Variants in GDF1 observed in about 807,000 individuals in gnomAD.
The protein encoded by GDF1 is growth differentiation factor 1, also known as embryonic growth/differentiation factor 1.
A neutral mutation model predicts 7.4 loss-of-function variants in GDF1; 8 were observed. That is an observed-to-expected ratio of 1.09 (90% CI 0.64 to 1.96). GDF1 has a LOEUF of 1.96. Ranked by LOEUF, GDF1 falls within the 30% of genes most tolerant of loss-of-function variation. The probability of loss-of-function intolerance (pLI) is 0.00; values close to 1 mark genes in which losing one functional copy is unlikely to be tolerated. For synonymous variants in GDF1, 311 were observed against 276.7 expected, an observed-to-expected ratio of 1.12 and a Z score of -1.23; for missense variants, 574 against 551.5, an observed-to-expected ratio of 1.04 and a Z score of -0.41.
In GDF1 at chr19:18,895,951, C is replaced by A. The variant is rs1568309567; in HGVS notation, c.-1201G>T. On this transcript the variant is annotated 5_prime_UTR_variant, in exon 1 of 8. Coordinates refer to ENST00000247005, the MANE Select transcript of GDF1 (RefSeq NM_001492.6). The surrounding 1 kb of genome is among the most constrained non-coding windows in gnomAD (Gnocchi z 6.4). ...CAGGCCGCGACGCGCCAGCCCCCAG[C>A]CGCAGTCCGTGCAGCCCCGCGCCGC... 1 of 1,158,106 alleles carries A rather than the reference C, an allele frequency of 8.6e-7. No homozygotes were observed. The highest frequency in any genetic ancestry group is 1.1e-6 in the Non-Finnish European group (1 of 938,128). 71.7% of individuals were successfully genotyped at this position (1,158,106 alleles called of 1,614,324 possible). A position where few individuals can be genotyped will look rare whatever the true frequency, so the allele number is the denominator to read the frequency against.
chr19:18,873,345 G>A (rs1236879942), intron 6 of GDF1, among the ~76,000 whole-genome samples: 1 of 152,006 alleles, frequency 6.6e-6, no homozygotes, highest in African/African-American at 2.4e-5. Flanking sequence ...AAGGGCCCCA[G>A]AAGAGAAGGA....
At position 18,884,230 on chromosome 19, in the gene GDF1, T is replaced by C; in HGVS notation, c.-876A>G. ...AGCTTCCCTGGAGCAGGTAGGCGGC[T>C]GCAATGTCCCGTGGCACTGCCATGC... On this transcript the variant is annotated 5_prime_UTR_variant, in exon 3 of 8. Transcript: ENST00000247005. The C allele has an allele frequency of 1.2e-6, 2 of 1,613,362 alleles. No individual in the cohort carries two copies. Among genetic ancestry groups the C allele is most frequent in the Non-Finnish European group, 1.7e-6 (2 of 1,179,768 alleles).
At chr19:18,885,417 G>C (rs1021187179) in intron 2 of GDF1, among the ~76,000 whole-genome samples, 1 of 151,512 alleles carries the variant, frequency 6.6e-6, no homozygotes, top group South Asian at 2.1e-4. Context: ...GGGTGATCTC[G>C]AACTCCTGGG....
At chr19:18,884,477 G>A (rs554489357) in intron 2 of GDF1, among the ~76,000 whole-genome samples, 1 of 151,684 alleles carries the variant, frequency 6.6e-6, no homozygotes, top group African/African-American at 2.4e-5. Context: ...GGAGTGCAGT[G>A]GCATGATCTC....
chr19:18,884,354 C>A (rs897489984), intron 2 of GDF1, 87 bp from the exon 3 acceptor site: 7 of 1,268,890 alleles, frequency 5.5e-6, no homozygotes, highest in South Asian at 2.8e-5. Context: ...CCAAGCCACA[C>A]GTGTCCTCCC....
intron 6 of GDF1, among the ~76,000 whole-genome samples, chr19:18,877,213 C>T (rs147964829): frequency 7.9e-4 from 121 of 152,334 alleles, no homozygotes; most frequent in African/African-American, 2.7e-3. Context: ...AGAGGACATG[C>T]CAGCTCTTAC....
At chr19:18,893,257 C>G (rs2056539950) in intron 2 of GDF1, among the ~76,000 whole-genome samples, 159 bp downstream of exon 2, 1 of 152,200 alleles carries the variant, frequency 6.6e-6, no homozygotes, top group Non-Finnish European at 1.5e-5. Flanking sequence ...CTCTGTCGTC[C>G]AGGCTGGAGT....
rs768644742 is a variant in GDF1 at position 18,893,552 on chromosome 19, G to C, written c.-1050C>G. The C allele has an allele frequency of 6.8e-6, 11 of 1,610,296 alleles. No homozygotes were observed. Among genetic ancestry groups the C allele is most frequent in the Non-Finnish European group, 9.3e-6 (11 of 1,178,812 alleles). ...GCATCTTGGCGGCATCTCTGGGCTGGAGGCAGCACCGCTTCGCCAGGGGCT... is the reference window on the plus strand; with the variant it reads ...GCATCTTGGCGGCATCTCTGGGCTGCAGGCAGCACCGCTTCGCCAGGGGCT... On this transcript the variant is annotated 5_prime_UTR_variant, in exon 2 of 8. Transcript: ENST00000247005.
chr19:18,870,239 C>A lies in GDF1; in HGVS notation c.69G>T (p.Ser23=). 3 of 1,548,640 alleles carry A rather than the reference C, an allele frequency of 1.9e-6. No homozygotes were observed. The highest frequency in any genetic ancestry group is 2.0e-5 in the Admixed American group (1 of 50,950). ...LLLLLALLLP[S]LPLTRAPVPP... ...GCACGGGGGCGCGGGTCAGGGGCAG[C>A]GAGGGCAGCAGCAGGGCCAGGAGGA... The change falls in exon 7 of 8, where the codon TCG becomes TCT. Residue 23 remains serine, a synonymous_variant. Coordinates refer to ENST00000247005, the MANE Select transcript of GDF1 (RefSeq NM_001492.6). This position sits in a 1 kb window ranked among gnomAD's most constrained non-coding sequence, Gnocchi z 5.1.
In GDF1 at chr19:18,869,142, G is replaced by A. The variant is rs2055912032; in HGVS notation, c.574C>T (p.Pro192Ser). The A allele has an allele frequency of 1.8e-6, 2 of 1,112,330 alleles. No individual in the cohort carries two copies. The highest frequency in any genetic ancestry group is 1.1e-6 in the Non-Finnish European group (1 of 910,864). 68.9% of individuals were successfully genotyped at this position (1,112,330 alleles called of 1,614,324 possible). ...CCCAGCAGCTCCGCGCGCACTGGCGGCCCCAGGGCGGGCACCAACTGGCGG... is the reference window on the plus strand; with the variant it reads ...CCCAGCAGCTCCGCGCGCACTGGCGACCCCAGGGCGGGCACCAACTGGCGG... Reference protein sequence around the residue: ...LLRQLVPALGPPVRAELLGAA... With the variant: ...LLRQLVPALGSPVRAELLGAA... The change falls in exon 8 of 8, where the codon CCG (proline) becomes TCG (serine). Residue 192 changes from proline (P) to serine (S), a missense_variant. Transcript: ENST00000247005.
Position 18,895,272 on chromosome 19 carries a change from C to A in GDF1, c.-1074+552G>T, listed in dbSNP as rs1221151303. ...CCGATTACAGCGGGCAAGCCGGCCC[C>A]GCCGCCGCACGGACCCAGCAGAAAA... On this transcript the variant is annotated intron_variant, in intron 1 of 7. Transcript: ENST00000247005. This position sits in a 1 kb window ranked among gnomAD's most constrained non-coding sequence, Gnocchi z 6.4. 6.6e-6 allele frequency among the ~76,000 whole-genome samples: 1 copy of A among 152,230 alleles called. No homozygotes were observed. Among genetic ancestry groups the A allele is most frequent in the Non-Finnish European group, 1.5e-5 (1 of 68,040 alleles).
At chr19:18,888,537 A>AC (rs2056416593) in intron 2 of GDF1, among the ~76,000 whole-genome samples, 2 of 147,764 alleles carry the variant, frequency 1.4e-5, no homozygotes, top group Admixed American at 6.8e-5. Flanking sequence ...AAAAAAAAAA[A>AC]AAAAAAAAAC....
In GDF1 at chr19:18,896,146, A is replaced by C; in HGVS notation, c.-1396T>G. The C allele has an allele frequency of 1.8e-6, 1 of 556,330 alleles. No individual in the cohort carries two copies. The highest frequency in any genetic ancestry group is 2.3e-6 in the Non-Finnish European group (1 of 442,626). 34.5% of individuals were successfully genotyped at this position (556,330 alleles called of 1,614,324 possible). ...CCGACGGAGCCGCGCGCCCCGCGTC[A>C]CGCGCCGCAGCTGGGCCGGGGGCGC... On this transcript the variant is annotated 5_prime_UTR_variant, in exon 1 of 8. Transcript: ENST00000247005. This position sits in a 1 kb window ranked among gnomAD's most constrained non-coding sequence, Gnocchi z 5.9.
At chr19:18,871,329 C>T (rs536807838) in intron 6 of GDF1, among the ~76,000 whole-genome samples, 1 of 150,504 alleles carries the variant, frequency 6.6e-6, no homozygotes, top group Non-Finnish European at 1.5e-5. Flanking sequence ...TGAGTTCAAG[C>T]GATTCTCCTG....
Position 18,884,281 on chromosome 19 carries a change from A to T in GDF1, c.-913-14T>A, listed in dbSNP as rs768914326. The T allele has an allele frequency of 6.2e-7, 1 of 1,605,506 alleles. No individual in the cohort carries two copies. The highest frequency in any genetic ancestry group is 8.5e-7 in the Non-Finnish European group (1 of 1,177,102). Reference sequence around the variant, plus strand: ...CCGGCGTCCAGTCTGGGGAGAGCCAAATCTCACAGTCAGGGCCCTGCGAAG... The same window carrying T: ...CCGGCGTCCAGTCTGGGGAGAGCCATATCTCACAGTCAGGGCCCTGCGAAG... On this transcript the variant is annotated splice_polypyrimidine_tract_variant and intron_variant, in intron 2 of 7. Transcript: ENST00000247005.
intron 1 of GDF1, among the ~76,000 whole-genome samples, chr19:18,894,870 C>T (rs1185860244): frequency 6.6e-6 from 1 of 152,178 alleles, no homozygotes; most frequent in Admixed American, 6.5e-5. Flanking sequence ...GGCACATTGT[C>T]CCTGCACCCT....
intron 2 of GDF1, among the ~76,000 whole-genome samples, chr19:18,889,596 A>G (rs191275673): frequency 7.2e-5 from 11 of 152,032 alleles, no homozygotes; most frequent in African/African-American, 2.7e-4. Context: ...AGCTAATTTT[A>G]TTTTTTTATT....
rs192150956 is a variant in GDF1 at position 18,885,762 on chromosome 19, G to A, written c.-913-1495C>T. Among the ~76,000 whole-genome samples, 659 of 146,826 alleles carry A rather than the reference G, an allele frequency of 4.5e-3. 2 individuals are homozygous for A. Among genetic ancestry groups the A allele is most frequent in the African/African-American group, 0.016 (620 of 39,632 alleles). On this transcript the variant is annotated intron_variant, in intron 2 of 7. Transcript: ENST00000247005. ...TCTTGAACTCCTGACCTTGTGATCC[G>A]CCCGCCTCGGCCTCCCAAAGTGCTG...
At chr19:18,874,635 G>A (rs1292222000) in intron 6 of GDF1, among the ~76,000 whole-genome samples, 1 of 152,240 alleles carries the variant, frequency 6.6e-6, no homozygotes, top group African/African-American at 2.4e-5. Flanking sequence ...TTGGACAGAG[G>A]GGCTGAGTCA....
Sources: allele counts gnomAD v4.1 joint callset (sites outside exome capture counted in the v4.1 genomes callset), GRCh38; gene constraint gnomAD v4.1.1; non-coding constraint Gnocchi (gnomAD v3.1); transcripts MANE v1.5; gene names NCBI Gene and HGNC (gene_info 2026-07-23, HGNC 2026-07-21).